The following VPS39 variants were observed in gnomAD, a reference collection of about 807,000 sequenced individuals.
VPS39 encodes the protein vam6/Vps39-like protein.
Under a neutral mutation model 121.0 loss-of-function variants are expected in VPS39, and 70 were observed. The ratio of observed to expected loss-of-function variants is 0.58; its 90% CI spans 0.48 to 0.71. The LOEUF is 0.71. VPS39 is among the 30% of genes least tolerant of loss of function. VPS39 has a pLI of 0.00. For missense variants in VPS39, 818 were observed against 1,051.5 expected (o/e 0.78, Z 3.07); for synonymous variants, 378 against 398.1 (o/e 0.95, Z 0.60).
chr15:42,168,358 TGCAGTGTGTAG>T (rs113250064), intron 12 of VPS39, among the ~76,000 whole-genome samples: 17,168 of 152,104 alleles, frequency 0.11, 1,109 homozygotes, highest in South Asian at 0.24. Flanking sequence ...GCACAGTGTG[TGCAGTGTGTAG>T]GCAGTGGCAA....
intron 5 of VPS39, among the ~76,000 whole-genome samples, chr15:42,188,494 A>G (rs1443654445): frequency 6.6e-6 from 1 of 152,236 alleles, no homozygotes; most frequent in Non-Finnish European, 1.5e-5. Context: ...TCTTATAATT[A>G]TCTTCATGAT....
chr15:42,162,506 G>A (rs201767781), intron 21 of VPS39, 25 bp from the exon 22 acceptor site: 327 of 1,570,104 alleles, frequency 2.1e-4, no homozygotes, highest in East Asian at 1.7e-3. Context: ...CATGAGCTAC[G>A]TCAGGCTGGC....
chr15:42,168,612 C>T (rs953227838), intron 12 of VPS39, among the ~76,000 whole-genome samples: 8 of 150,926 alleles, frequency 5.3e-5, no homozygotes, highest in Non-Finnish European at 7.4e-5. Context: ...GGCGCAATCT[C>T]GGCTCACTTC....
intron 7 of VPS39, 51 bp from the exon 8 acceptor site, chr15:42,184,751 G>A (rs775253911): frequency 2.6e-6 from 4 of 1,529,846 alleles, no homozygotes; most frequent in Non-Finnish European, 3.5e-6. Flanking sequence ...CCAGAGGTAA[G>A]AACACAGGAA....
rs1213892531 is a variant in VPS39 at position 42,208,213 on chromosome 15, G to A, written c.-60C>T. Reference sequence around the variant, plus strand: ...CCAGAGTGTTCCGGGCCGGGCTGGGGTCCGGAACGAGTCTGGGCTAAGGGT... The same window carrying A: ...CCAGAGTGTTCCGGGCCGGGCTGGGATCCGGAACGAGTCTGGGCTAAGGGT... On this transcript the variant is annotated 5_prime_UTR_variant, in exon 1 of 25. Coordinates refer to ENST00000318006, the MANE Select transcript of VPS39 (RefSeq NM_015289.5). 1 of 1,549,544 alleles carries A rather than the reference G, an allele frequency of 6.5e-7. No homozygotes were observed. Among genetic ancestry groups the A allele is most frequent in the African/African-American group, 1.4e-5 (1 of 73,066 alleles).
At chr15:42,175,635 T>C (rs1595656035) in intron 10 of VPS39, among the ~76,000 whole-genome samples, 1 of 152,106 alleles carries the variant, frequency 6.6e-6, no homozygotes, top group South Asian at 2.1e-4. Context: ...CTTTTCCTAT[T>C]ACCGCCACAC....
intron 10 of VPS39, among the ~76,000 whole-genome samples, chr15:42,175,403 T>A (rs1446514372): frequency 7.0e-6 from 1 of 142,476 alleles, no homozygotes; most frequent in African/African-American, 2.7e-5. Flanking sequence ...GAAGACTCTG[T>A]CTCGGGAAAA....
In VPS39 at chr15:42,172,126, A is replaced by G. The variant is rs191151092; in HGVS notation, c.1090+1597T>C. On this transcript the variant is annotated intron_variant, in intron 11 of 24. Transcript: ENST00000318006. ...CTCCATCAAGAGAGGAAGTCTGATG[A>G]ACTTCCTTGCCTTGAACCTGGCAGG... is the stretch of plus-strand genomic sequence containing the variant. Among the ~76,000 whole-genome samples, 29 of 152,342 alleles carry G rather than the reference A, an allele frequency of 1.9e-4. No homozygotes were observed. The East Asian group carries it at 5.4e-3, about 28-fold the overall frequency.
intron 11 of VPS39, among the ~76,000 whole-genome samples, chr15:42,171,513 G>A (rs925788998): frequency 5.3e-5 from 8 of 152,186 alleles, no homozygotes; most frequent in Admixed American, 5.2e-4. Flanking sequence ...ACAGGGATGT[G>A]CCCACATCAA....
At chr15:42,178,623 T>G in intron 8 of VPS39, 53 bp from the exon 9 acceptor site, 1 of 1,604,194 alleles carries the variant, frequency 6.2e-7, no homozygotes, top group Non-Finnish European at 8.5e-7. Flanking sequence ...TTTGGGTTTA[T>G]GGAGTGTTTC....
In VPS39 at chr15:42,208,251, G is replaced by C. The variant is rs2050219979; in HGVS notation, c.-98C>G. On this transcript the variant is annotated 5_prime_UTR_variant, in exon 1 of 25. Coordinates refer to ENST00000318006, the MANE Select transcript of VPS39 (RefSeq NM_015289.5). ...CTGGGCTAAGGGTAGACCGGGATCC[G>C]GCCAGGAACCCCCCGGCTACAGGCC... 2.7e-6 allele frequency: 4 copies of C among 1,467,606 alleles called. No homozygotes were observed. Among genetic ancestry groups the C allele is most frequent in the South Asian group, 1.2e-5 (1 of 80,792 alleles). The allele number at this position is 1,467,606 out of a possible 1,614,324, so 90.9% of individuals were successfully genotyped here. A position where few individuals can be genotyped will look rare whatever the true frequency, so the allele number is the denominator to read the frequency against.
At chr15:42,172,140 G>A (rs991707677) in intron 11 of VPS39, among the ~76,000 whole-genome samples, 1 of 152,184 alleles carries the variant, frequency 6.6e-6, no homozygotes, top group Non-Finnish European at 1.5e-5. Context: ...TCCTTGCCTT[G>A]AACCTGGCAG....
intron 8 of VPS39, among the ~76,000 whole-genome samples, chr15:42,182,825 C>G (rs184757614): frequency 2.6e-5 from 4 of 152,178 alleles, no homozygotes; most frequent in Non-Finnish European, 4.4e-5. Flanking sequence ...CAGGCACTAA[C>G]GAAGGTTGGA....
chr15:42,206,185 C>T (rs879124168), intron 1 of VPS39, among the ~76,000 whole-genome samples: 1 of 152,156 alleles, frequency 6.6e-6, no homozygotes, highest in African/African-American at 2.4e-5. Flanking sequence ...GTCTCTAAGA[C>T]ATTTACACCT....
intron 19 of VPS39, 61 bp downstream of exon 19, chr15:42,164,297 G>A: frequency 6.3e-7 from 1 of 1,597,518 alleles, no homozygotes; most frequent in South Asian, 1.1e-5. Context: ...AATTAAAGGG[G>A]TGGATTAGTC....
intron 21 of VPS39, 133 bp downstream of exon 21, chr15:42,163,217 A>G: frequency 9.2e-7 from 1 of 1,082,372 alleles, no homozygotes; most frequent in Non-Finnish European, 1.4e-6. Context: ...GTCCCTCAAT[A>G]CACACATGCA....
At chr15:42,186,754 G>A (rs1014759861) in intron 7 of VPS39, among the ~76,000 whole-genome samples, 1 of 152,148 alleles carries the variant, frequency 6.6e-6, no homozygotes, top group Non-Finnish European at 1.5e-5. Context: ...GGGGACTATG[G>A]TTGATTTGCA....
chr15:42,205,585 C>A (rs536645481), intron 1 of VPS39, among the ~76,000 whole-genome samples: 1 of 152,220 alleles, frequency 6.6e-6, no homozygotes, highest in East Asian at 1.9e-4. Context: ...GAAATCAGGG[C>A]CTGATCATGT....
chr15:42,179,874 T>C (rs2140861780), intron 8 of VPS39, among the ~76,000 whole-genome samples: 1 of 152,198 alleles, frequency 6.6e-6, no homozygotes, highest in Middle Eastern at 3.4e-3. Context: ...TGGGGCCTAA[T>C]GGGAGGTGTT....
Sources: allele counts gnomAD v4.1 joint callset (sites outside exome capture counted in the v4.1 genomes callset), GRCh38; gene constraint gnomAD v4.1.1; transcripts MANE v1.5; gene names NCBI Gene and HGNC (gene_info 2026-07-23, HGNC 2026-07-21).